PIN4: variants seen among roughly 807,000 people sequenced by gnomAD.
PIN4 encodes the protein peptidyl-prolyl cis-trans isomerase NIMA-interacting 4.
A neutral mutation model predicts 8.3 loss-of-function variants in PIN4; 3 were observed. The ratio of observed to expected loss-of-function variants is 0.36; its 90% CI spans 0.16 to 0.93. PIN4 has a LOEUF of 0.93. Among genes scored for constraint, PIN4 ranks in the 40% least tolerant of loss-of-function variants. PIN4 has a pLI of 0.44. For synonymous variants in PIN4, 18 were observed against 32.5 expected (o/e 0.55, Z 1.52); for missense variants, 75 against 100.6 (o/e 0.75, Z 1.09).
chrX:72,182,035 C>T (rs768620772), intron 1 of PIN4: 23 of 435,323 alleles, frequency 5.3e-5, no homozygotes, highest in Non-Finnish European at 9.1e-5. Flanking sequence ...GATAGTTCCT[C>T]GGAGGCGATG....
At chrX:72,222,470 A>G (rs918273300) in intron 3 of PIN4, among the ~76,000 whole-genome samples, 2 of 111,466 alleles carry the variant, frequency 1.8e-5, no homozygotes, top group African/African-American at 6.5e-5. Flanking sequence ...ACAGGGAAAC[A>G]ATGGCATCAG....
intron 3 of PIN4, among the ~76,000 whole-genome samples, chrX:72,204,365 G>A (rs1327733626): frequency 8.9e-6 from 1 of 112,189 alleles, no homozygotes; most frequent in Non-Finnish European, 1.9e-5. Flanking sequence ...GGAGAATCTG[G>A]GCCTGTGTGG....
At chrX:72,186,606 G>T (rs2042704986) in intron 2 of PIN4, 72 bp downstream of exon 2, 6 of 684,414 alleles carry the variant, frequency 8.8e-6, no homozygotes, top group African/African-American at 2.2e-5. Flanking sequence ...ATAAAAGACA[G>T]AATGCTTAAC....
intron 3 of PIN4, chrX:72,238,828 A>G: frequency 8.5e-7 from 1 of 1,179,560 alleles, no homozygotes; most frequent in Non-Finnish European, 1.1e-6. Context: ...AGACCCGCCC[A>G]GCGGTCCAGA....
At chrX:72,253,659 G>C (rs978342302) in intron 3 of PIN4, among the ~76,000 whole-genome samples, 1 of 108,561 alleles carries the variant, frequency 9.2e-6, no homozygotes, top group Non-Finnish European at 1.9e-5. Flanking sequence ...ATCAACGCGG[G>C]GCGTGGTGGC....
In PIN4 at chrX:72,197,725, G is replaced by A; in HGVS notation, c.*199G>A. ...TGGGGCTAAGTGAATGTCAACTGTA[G>A]TAGGTATTCAGTCAGTCTTTCTCAA... On this transcript the variant is annotated 3_prime_UTR_variant, in exon 4 of 4. Coordinates refer to ENST00000373669, the MANE Select transcript of PIN4 (RefSeq NM_006223.4). The A allele has an allele frequency of 1.0e-6, 1 of 975,545 alleles. No homozygotes were observed. Among genetic ancestry groups the A allele is most frequent in the Non-Finnish European group, 1.3e-6 (1 of 775,439 alleles). 80.4% of individuals were successfully genotyped at this position (975,545 alleles called of 1,213,427 possible).
intron 3 of PIN4, chrX:72,204,901 G>T: frequency 1.5e-6 from 1 of 668,495 alleles, no homozygotes; most frequent in Non-Finnish European, 2.1e-6. Context: ...TGCTTTTTGA[G>T]ATCTTTCTTG....
At chrX:72,232,017 T>G (rs922961649) in intron 3 of PIN4, among the ~76,000 whole-genome samples, 1 of 107,590 alleles carries the variant, frequency 9.3e-6, no homozygotes, top group African/African-American at 3.4e-5. Flanking sequence ...AGTTCAAGAT[T>G]ACGGTGAACT....
At chrX:72,204,360 A>G (rs748696682) in intron 3 of PIN4, among the ~76,000 whole-genome samples, 1 of 112,533 alleles carries the variant, frequency 8.9e-6, no homozygotes, top group African/African-American at 3.2e-5. Context: ...GCATGGGAGA[A>G]TCTGGGCCTG....
intron 2 of PIN4, among the ~76,000 whole-genome samples, chrX:72,194,386 A>T (rs1328933437): frequency 9.0e-6 from 1 of 111,726 alleles, no homozygotes; most frequent in Non-Finnish European, 1.9e-5. Flanking sequence ...TACAAAACTT[A>T]TCCAGGTGTG....
rs750371906 is a variant in PIN4, at chrX:72,253,984, AAAAAGAAAAG to A, written c.313-8708_313-8699del. Among the ~76,000 whole-genome samples the A allele has an allele frequency of 3.4e-3, 380 of 110,883 alleles. 3 individuals carry two copies. The highest frequency in any genetic ancestry group is 0.012 in the African/African-American group (368 of 30,338). On this transcript the variant is annotated intron_variant, in intron 3 of 3. Coordinates refer to the PIN4 transcript ENST00000423432. Reference sequence around the variant, plus strand: ...CTTAAAAAAAGAAAAAAAATAAAAGAAAAAGAAAAGAAAAGAAAAGAAAATCCATTCCTCA... The same window carrying A: ...CTTAAAAAAAGAAAAAAAATAAAAGAAAAAGAAAAGAAAATCCATTCCTCA...
At chrX:72,185,191 C>G (rs776373507) in intron 1 of PIN4, among the ~76,000 whole-genome samples, 107 of 102,449 alleles carry the variant, frequency 1.0e-3, no homozygotes, top group Non-Finnish European at 2.0e-3. Flanking sequence ...CTCCCTATTA[C>G]GTCTAGGATA....
intron 3 of PIN4, among the ~76,000 whole-genome samples, chrX:72,215,562 TTAA>T (rs1465156576): frequency 8.9e-6 from 1 of 111,772 alleles, no homozygotes; most frequent in African/African-American, 3.2e-5. Context: ...TAGTAAAATG[TTAA>T]TAACAGAATC....
At chrX:72,241,559 C>T (rs749562111) in intron 3 of PIN4, among the ~76,000 whole-genome samples, 1 of 112,592 alleles carries the variant, frequency 8.9e-6, no homozygotes, top group Non-Finnish European at 1.9e-5. Flanking sequence ...TGAGGAGGCT[C>T]ACGCCTGTAA....
At chrX:72,205,403 C>A (rs778413231) in intron 3 of PIN4, 27 of 1,210,394 alleles carry the variant, frequency 2.2e-5, no homozygotes, top group Non-Finnish European at 2.9e-5. Flanking sequence ...TCTTCAGGAC[C>A]CTTTGCTTCA....
rs745382389 is a variant in PIN4 at position 72,205,262 on chromosome X, C to G, written c.312+8358C>G. ...GGGGCACCAAGAGAGGTCTCTTGAG[C>G]TAGAGCACTAGGCTTAGACGTCATT... On this transcript the variant is annotated intron_variant, in intron 3 of 3. Coordinates refer to the PIN4 transcript ENST00000423432. 26 of 1,210,237 alleles carry G rather than the reference C, an allele frequency of 2.1e-5. No homozygotes were observed. In the South Asian group the frequency reaches 4.4e-4, roughly 20 times the overall value.
intron 3 of PIN4, chrX:72,206,697 C>T: frequency 8.3e-7 from 1 of 1,211,193 alleles, no homozygotes; most frequent in Non-Finnish European, 1.1e-6. Flanking sequence ...ATTCTTCTAC[C>T]ACATCAAGCT....
chrX:72,226,742 T>C (rs2042956005), intron 3 of PIN4, among the ~76,000 whole-genome samples: 2 of 110,766 alleles, frequency 1.8e-5, no homozygotes, highest in South Asian at 7.6e-4. Flanking sequence ...ATACAACATA[T>C]CCCCTCCTTT....
intron 3 of PIN4, among the ~76,000 whole-genome samples, chrX:72,248,908 C>G (rs929925795): frequency 9.0e-6 from 1 of 110,587 alleles, no homozygotes; most frequent in African/African-American, 3.3e-5. Flanking sequence ...AAAAAAAAAC[C>G]AATCCTCAGG....
Sources: allele counts gnomAD v4.1 joint callset (sites outside exome capture counted in the v4.1 genomes callset), GRCh38; gene constraint gnomAD v4.1.1; transcripts MANE v1.5; gene names NCBI Gene and HGNC (gene_info 2026-07-23, HGNC 2026-07-21).